The following PSEN2 variants were observed in gnomAD, a reference collection of about 807,000 sequenced individuals.
PSEN2 encodes the protein presenilin 2, also known as presenilin-2.
PSEN2 carries 32 observed loss-of-function variants against 49.1 expected under a neutral mutation model. The observed-to-expected ratio is 0.65, with a 90% confidence interval of 0.49 to 0.88. PSEN2 has a LOEUF of 0.88. Among genes scored for constraint, PSEN2 ranks in the 40% least tolerant of loss-of-function variants. The pLI is 0.00. For missense variants in PSEN2, 522 were observed against 586.9 expected (o/e 0.89, Z 1.14); for synonymous variants, 255 against 244.0 (o/e 1.05, Z -0.42).
chr1:226,881,035 T>C (rs1660954541), intron 3 of PSEN2, among the ~76,000 whole-genome samples: 1 of 152,164 alleles, frequency 6.6e-6, no homozygotes, highest in African/African-American at 2.4e-5. Flanking sequence ...TGGCTGCCAT[T>C]CTAGACTGTG....
chr1:226,880,683 T>G (rs1660929554), intron 3 of PSEN2: 4 of 1,612,798 alleles, frequency 2.5e-6, no homozygotes, highest in African/African-American at 2.7e-5. Context: ...AGGCATTGTT[T>G]GAAGTTCTTC....
chr1:226,902,941 GGCT>G (rs1196663668), intron 12 of PSEN2, among the ~76,000 whole-genome samples: 2 of 152,080 alleles, frequency 1.3e-5, no homozygotes. Flanking sequence ...AAACCTGAGA[GGCT>G]GAACACACAC....
chr1:226,891,688 C>T, intron 10 of PSEN2, 55 bp from the exon 11 acceptor site: 2 of 1,452,982 alleles, frequency 1.4e-6, no homozygotes, highest in Non-Finnish European at 1.9e-6. Flanking sequence ...GTTTCTCTCT[C>T]TTGTTGTCCC....
intron 2 of PSEN2, among the ~76,000 whole-genome samples, chr1:226,873,455 G>A (rs1660434807): frequency 6.6e-6 from 1 of 152,016 alleles, no homozygotes; most frequent in Non-Finnish European, 1.5e-5. Context: ...CACTCTTGTT[G>A]CCCAGGCTGG....
intron 7 of PSEN2, among the ~76,000 whole-genome samples, chr1:226,888,427 A>AG (rs1055942896): frequency 6.6e-6 from 1 of 152,168 alleles, no homozygotes; most frequent in Non-Finnish European, 1.5e-5. Flanking sequence ...TGTGAACCCC[A>AG]GGGGGATAGA....
chr1:226,891,052 T>C (rs1157455980), intron 9 of PSEN2: 2 of 577,260 alleles, frequency 3.5e-6, no homozygotes, highest in Non-Finnish European at 6.2e-6. Flanking sequence ...ACCTGGTTCT[T>C]ATGCTTTAGG....
chr1:226,880,706 C>T, intron 3 of PSEN2: 2 of 1,612,930 alleles, frequency 1.2e-6, no homozygotes, highest in East Asian at 2.2e-5. Flanking sequence ...AGCCCAGAAA[C>T]CTGCATGTGT....
chr1:226,872,862 A>G (rs950510380), intron 2 of PSEN2, among the ~76,000 whole-genome samples: 6 of 152,162 alleles, frequency 3.9e-5, no homozygotes, highest in Non-Finnish European at 7.4e-5. Flanking sequence ...TGGGATGACC[A>G]TCATGTTAAT....
Position 226,891,319 on chromosome 1 carries a change from T to A in PSEN2, c.928T>A (p.Ser310Thr). The A allele has an allele frequency of 6.2e-7, 1 of 1,613,816 alleles. No homozygotes were observed. The highest frequency in any genetic ancestry group is 8.5e-7 in the Non-Finnish European group (1 of 1,179,952). ...GGTTGGCATGGCGAAGCTGGACCCCTCCTCTCAGGGTGCCCTCCAGCTCCC... is the reference window on the plus strand; with the variant it reads ...GGTTGGCATGGCGAAGCTGGACCCCACCTCTCAGGGTGCCCTCCAGCTCCC... The part of the protein sequence containing the change: ...WTVGMAKLDP[S>T]SQGALQLPYD... The change falls in exon 10 of 13, where the codon TCC becomes ACC. Residue 310 changes from serine to threonine, a missense_variant. Ser to Thr is a moderately conservative substitution (Grantham distance 58). Coordinates refer to ENST00000366783, the MANE Select transcript of PSEN2 (RefSeq NM_000447.3).
In PSEN2 at chr1:226,875,525, C is replaced by G. The variant is rs1357521348; in HGVS notation, c.-46C>G. 6.6e-6 allele frequency: 1 copy of G among 152,200 alleles called. No homozygotes were observed. The highest frequency in any genetic ancestry group is 2.4e-5 in the African/African-American group (1 of 41,430). The allele number at this position is 152,200 out of a possible 1,614,324, so 9.4% of individuals were successfully genotyped here. ...AGAAACCAAGTGTCCGGGATTCAGACCTCTCTGCGGCCCCAAGTGTTCGTG... is the reference window on the plus strand; with the variant it reads ...AGAAACCAAGTGTCCGGGATTCAGAGCTCTCTGCGGCCCCAAGTGTTCGTG... On this transcript the variant is annotated 5_prime_UTR_variant, in exon 3 of 13. Coordinates refer to ENST00000366783, the MANE Select transcript of PSEN2 (RefSeq NM_000447.3).
chr1:226,878,906 G>C (rs1005983276), intron 3 of PSEN2, among the ~76,000 whole-genome samples: 2 of 152,230 alleles, frequency 1.3e-5, no homozygotes, highest in Non-Finnish European at 2.9e-5. Context: ...CTTTGAGTAA[G>C]AGTGAATTCC....
chr1:226,887,408 G>A (rs1267427247), intron 6 of PSEN2, among the ~76,000 whole-genome samples: 1 of 152,136 alleles, frequency 6.6e-6, no homozygotes, highest in Non-Finnish European at 1.5e-5. Flanking sequence ...GGTCCTCAGG[G>A]GTGAGGCTGG....
downstream of PSEN2, chr1:226,897,937 A>C (rs1662207341): frequency 1.3e-5 from 2 of 154,834 alleles, no homozygotes; most frequent in Non-Finnish European, 2.9e-5. Flanking sequence ...AGGCATGTAT[A>C]AATGTAGCTC....
chr1:226,887,318 G>A (rs528577540), intron 6 of PSEN2, among the ~76,000 whole-genome samples: 1 of 152,298 alleles, frequency 6.6e-6, no homozygotes, highest in Admixed American at 6.5e-5. Context: ...TGTGCAGCAG[G>A]GCCGTGGAGG....
chr1:226,880,398 C>T (rs1296212773), intron 3 of PSEN2: 1 of 812,296 alleles, frequency 1.2e-6, no homozygotes, highest in East Asian at 3.5e-5. Context: ...TAAAAAAAAT[C>T]ACATATATTG....
Position 226,888,071 on chromosome 1 carries a change from G to A in PSEN2, c.499-20G>A, listed in dbSNP as rs201919671. The A allele has an allele frequency of 2.4e-5, 38 of 1,606,716 alleles. No individual in the cohort carries two copies. Among genetic ancestry groups the A allele is most frequent in the Middle Eastern group, 3.3e-4 (2 of 6,046 alleles). ...TGGCGCTTGGGGACACCTTGTGATC[G>A]TGCAATTTCTGTTGTCTAGTTCATC... On this transcript the variant is annotated intron_variant, in intron 6 of 12. Coordinates refer to ENST00000366783, the MANE Select transcript of PSEN2 (RefSeq NM_000447.3).
At chr1:226,872,967 C>A (rs1043174098) in intron 2 of PSEN2, among the ~76,000 whole-genome samples, 6 of 152,200 alleles carry the variant, frequency 3.9e-5, no homozygotes, top group Admixed American at 3.3e-4. Context: ...CACCTGAGGT[C>A]GGAAGTTTGA....
chr1:226,874,808 T>C (rs1469194103), intron 2 of PSEN2, among the ~76,000 whole-genome samples: 1 of 152,226 alleles, frequency 6.6e-6, no homozygotes, highest in African/African-American at 2.4e-5. Context: ...TGAGGCCTCT[T>C]GGCCAGGGAG....
At position 226,883,926 on chromosome 1, in the gene PSEN2, TG is replaced by T. The variant is rs781669984; in HGVS notation, c.356+13del. On this transcript the variant is annotated splice_region_variant and intron_variant, in intron 5 of 12. Coordinates refer to ENST00000366783, the MANE Select transcript of PSEN2 (RefSeq NM_000447.3). ...CAGAGAAGAATGGACAGCTGTGAGTTGGGGGGCTGGGGGGAGCAGGGTGGGG... is the reference window on the plus strand; with the variant it reads ...CAGAGAAGAATGGACAGCTGTGAGTTGGGGGCTGGGGGGAGCAGGGTGGGG... 3.9e-5 allele frequency: 26 copies of T among 663,628 alleles called. No homozygotes were observed. The highest frequency in any genetic ancestry group is 4.9e-5 in the Non-Finnish European group (25 of 512,804). 41.1% of individuals were successfully genotyped at this position (663,628 alleles called of 1,614,324 possible).
Sources: allele counts gnomAD v4.1 joint callset (sites outside exome capture counted in the v4.1 genomes callset), GRCh38; gene constraint gnomAD v4.1.1; transcripts MANE v1.5; gene names NCBI Gene and HGNC (gene_info 2026-07-23, HGNC 2026-07-21).